Variants in TPTE2 observed in about 807,000 individuals in gnomAD.
TPTE2 encodes the protein transmembrane phosphoinositide 3-phosphatase and tensin homolog 2.
TPTE2 carries 53 observed loss-of-function variants against 78.6 expected under a neutral mutation model. The ratio of observed to expected loss-of-function variants is 0.67; its 90% CI spans 0.54 to 0.85. The LOEUF (loss-of-function observed/expected upper bound fraction) is 0.85. Ranked by LOEUF, TPTE2 falls within the 40% of genes least tolerant of loss-of-function variation. The probability of loss-of-function intolerance (pLI) is 0.00; values close to 1 mark genes in which losing one functional copy is unlikely to be tolerated. For missense variants in TPTE2, 461 were observed against 623.0 expected (o/e 0.74, Z 2.77); for synonymous variants, 175 against 206.2 (o/e 0.85, Z 1.30).
intron 13 of TPTE2, among the ~76,000 whole-genome samples, chr13:19,447,079 C>T (rs149253722): frequency 3.3e-5 from 5 of 151,952 alleles, no homozygotes; most frequent in Admixed American, 3.3e-4. Flanking sequence ...TCCTATAAAT[C>T]GATATAAAAT....
intron 3 of TPTE2, among the ~76,000 whole-genome samples, chr13:19,485,806 G>A (rs1440574086): frequency 6.6e-6 from 1 of 151,818 alleles, no homozygotes; most frequent in Non-Finnish European, 1.5e-5. Flanking sequence ...GTTCTTGTCT[G>A]TAAAGCCATT....
At chr13:19,477,800 G>C (rs1212438470) in intron 4 of TPTE2, among the ~76,000 whole-genome samples, 1 of 152,196 alleles carries the variant, frequency 6.6e-6, no homozygotes, top group Non-Finnish European at 1.5e-5. Flanking sequence ...AGTGTACTAT[G>C]TAAATGCAGC....
At chr13:19,557,254 A>C in the TPTE2 span, among the ~76,000 whole-genome samples, 2 of 152,230 alleles carry the variant, frequency 1.3e-5, no homozygotes, top group African/African-American at 4.8e-5. Context: ...CACAGAATGC[A>C]ACATTTCATG....
At chr13:19,438,951 G>A (rs547949988) in intron 13 of TPTE2, among the ~76,000 whole-genome samples, 1 of 152,258 alleles carries the variant, frequency 6.6e-6, no homozygotes, top group East Asian at 1.9e-4. Context: ...ACGCAACCCG[G>A]GCAGAGGAAG....
the TPTE2 span, chr13:19,560,669 GCTCAACCACCATTAGATGAGA>G: frequency 6.5e-7 from 1 of 1,538,634 alleles, no homozygotes; most frequent in South Asian, 1.1e-5. Flanking sequence ...AGCTTCTCAG[GCTCAACCACCATTAGATGAGA>G]CACCAGTGCA....
At chr13:19,538,145 A>G (rs1198021042), upstream of TPTE2, among the ~76,000 whole-genome samples, 1 of 152,208 alleles carries the variant, frequency 6.6e-6, no homozygotes, top group African/African-American at 2.4e-5. Context: ...AAATTTATTC[A>G]GAGATTATGC....
chr13:19,522,275 C>T lies in TPTE2; in HGVS notation c.-44+14321G>A, dbSNP rs548716040. The stretch of plus-strand genomic sequence containing the variant: ...AATTATCCTGGCAATTTGGATATGC[C>T]AGAGAGAAGCCACAGTGTGCTTCCT... On this transcript the variant is annotated intron_variant, in intron 1 of 17. Transcript: ENST00000390680. 3.9e-5 allele frequency among the ~76,000 whole-genome samples: 6 copies of T among 152,206 alleles called. No individual in the cohort carries two copies. In the South Asian group the frequency reaches 1.2e-3, roughly 32 times the overall value.
chr13:19,450,002 G>A lies in TPTE2; in HGVS notation c.973+74C>T, dbSNP rs932558817. 4.4e-5 allele frequency: 68 copies of A among 1,529,146 alleles called. No homozygotes were observed. In the African/African-American group the frequency reaches 5.1e-4, roughly 12 times the overall value. The allele number at this position is 1,529,146 out of a possible 1,614,324, so 94.7% of individuals were successfully genotyped here. On this transcript the variant is annotated intron_variant, in intron 13 of 19. Coordinates refer to ENST00000400230, the Ensembl canonical transcript of TPTE2. ...TATTAATACATATTAATAGCAATACGTATCTTGTTCTTCTACTTTATCTAT... is the reference window on the plus strand; with the variant it reads ...TATTAATACATATTAATAGCAATACATATCTTGTTCTTCTACTTTATCTAT...
chr13:19,503,160 T>C (rs1304193415), intron 1 of TPTE2, 64 bp downstream of exon 4: 1 of 1,608,750 alleles, frequency 6.2e-7, no homozygotes, highest in Middle Eastern at 1.7e-4. Flanking sequence ...TGTGCCTGTG[T>C]GTGTGAATAC....
chr13:19,431,605 A>G (rs1876609583), intron 16 of TPTE2, among the ~76,000 whole-genome samples: 1 of 152,068 alleles, frequency 6.6e-6, no homozygotes, highest in Admixed American at 6.5e-5. Flanking sequence ...TGTTTTCACT[A>G]ACACCATGAT....
In TPTE2 at chr13:19,436,553, C is replaced by T. The variant is rs138970033; in HGVS notation, c.1036-247G>A. On this transcript the variant is annotated intron_variant, in intron 14 of 19. Coordinates refer to ENST00000400230, the Ensembl canonical transcript of TPTE2. ...TCAGCCTTCTGAGTAGCTGGGACTA[C>T]AGGTGTGTACCACCATGCCCAGCTA... Among the ~76,000 whole-genome samples, 991 of 152,232 alleles carry T rather than the reference C, an allele frequency of 6.5e-3. 10 individuals carry two copies. Among genetic ancestry groups the T allele is most frequent in the African/African-American group, 0.023 (967 of 41,534 alleles).
chr13:19,502,842 A>C (rs546452902), intron 1 of TPTE2, among the ~76,000 whole-genome samples: 2 of 151,416 alleles, frequency 1.3e-5, no homozygotes, highest in Non-Finnish European at 2.9e-5. Context: ...TCTCTTGTTG[A>C]AGCCAAAAAA....
chr13:19,509,141 G>T (rs1030519464), intron 1 of TPTE2, among the ~76,000 whole-genome samples: 22 of 152,152 alleles, frequency 1.4e-4, no homozygotes, highest in African/African-American at 5.1e-4. Context: ...GCAATATTTA[G>T]AAGAAAATTT....
In TPTE2 at chr13:19,432,549, C is replaced by A. The variant is rs1349261274; in HGVS notation, c.1146G>T (p.Val382=). ...GGAGATTCCAGTTGTAGAGATGTTTCACTTGTGCAAAATATCCAACATATC... is the reference window on the plus strand; with the variant it reads ...GGAGATTCCAGTTGTAGAGATGTTTAACTTGTGCAAAATATCCAACATATC... The change falls in exon 16 of 20, where the codon GTG becomes GTT. Residue 382 remains valine (V), a synonymous_variant. Transcript: ENST00000400230. 2.5e-6 allele frequency: 4 copies of A among 1,603,668 alleles called. No homozygotes were observed. The East Asian group carries it at 8.9e-5, about 36-fold the overall frequency.
intron 1 of TPTE2, among the ~76,000 whole-genome samples, chr13:19,498,723 G>A (rs996961044): frequency 1.1e-4 from 16 of 151,664 alleles, no homozygotes; most frequent in African/African-American, 2.9e-4. Flanking sequence ...ATCGAGACTA[G>A]GAAGAAACTG....
At chr13:19,423,873 G>A (rs752158725) in intron 19 of TPTE2, among the ~76,000 whole-genome samples, 10 of 152,226 alleles carry the variant, frequency 6.6e-5, no homozygotes, top group Non-Finnish European at 1.2e-4. Flanking sequence ...CTTTTGAGGA[G>A]CAGCATCAAA....
the TPTE2 span, chr13:19,561,075 C>G: frequency 6.3e-7 from 1 of 1,590,664 alleles, no homozygotes; most frequent in South Asian, 1.1e-5. Flanking sequence ...CCCTGCTCGC[C>G]AGGCCCAGCC....
the TPTE2 span, among the ~76,000 whole-genome samples, chr13:19,559,031 A>T: frequency 1.3e-5 from 2 of 152,232 alleles, no homozygotes; most frequent in Non-Finnish European, 1.5e-5. Flanking sequence ...AAATTACCAG[A>T]AAAGCTTTGA....
chr13:19,530,604 G>A (rs1870808921), intron 1 of TPTE2, among the ~76,000 whole-genome samples: 1 of 152,086 alleles, frequency 6.6e-6, no homozygotes, highest in Non-Finnish European at 1.5e-5. Context: ...GAGTGCAGTG[G>A]CATGATCGCA....
Sources: gnomAD v4.1 joint callset for allele counts (sites outside exome capture counted in the v4.1 genomes callset) on GRCh38, gnomAD v4.1.1 for gene constraint, MANE v1.5 for transcripts, NCBI Gene and HGNC (gene_info 2026-07-23, HGNC 2026-07-21) for gene names.